The following ABLIM3 variants were observed in gnomAD, a reference collection of about 807,000 sequenced individuals.
ABLIM3 encodes actin-binding LIM protein 3.
ABLIM3 carries 61 observed loss-of-function variants against 109.5 expected under a neutral mutation model. The observed-to-expected ratio is 0.56, with a 90% CI of 0.45 to 0.69. The LOEUF is 0.69. Among genes scored for constraint, ABLIM3 ranks in the 30% least tolerant of loss-of-function variants. The pLI, the probability that ABLIM3 is intolerant of heterozygous loss-of-function variation, is 0.00. For missense variants in ABLIM3, 796 were observed against 889.5 expected, an observed-to-expected ratio of 0.89 and a Z score of 1.34; for synonymous variants, 300 against 324.8, an observed-to-expected ratio of 0.92 and a Z score of 0.82.
intron 17 of ABLIM3, 81 bp downstream of exon 17, chr5:149,246,627 C>T: frequency 6.9e-7 from 1 of 1,440,574 alleles, no homozygotes; most frequent in East Asian, 2.4e-5. Context: ...CAACAAAAAA[C>T]AGATTCAAGC....
chr5:149,163,940 CACA>C (rs1561543150), intron 2 of ABLIM3: 1 of 152,196 alleles, frequency 6.6e-6, no homozygotes, highest in East Asian at 1.9e-4. Context: ...TTGTTGGTCA[CACA>C]ACAAGTCAAC....
chr5:149,151,300 C>G (rs1753410130), intron 2 of ABLIM3, among the ~76,000 whole-genome samples: 1 of 152,212 alleles, frequency 6.6e-6, no homozygotes, highest in African/African-American at 2.4e-5. Flanking sequence ...TAGGACCCAT[C>G]TAATGATTTC....
Position 149,259,704 on chromosome 5 carries a change from A to G in ABLIM3, c.*1300A>G. The G allele has an allele frequency of 9.4e-7, 1 of 1,069,318 alleles. No homozygotes were observed. The highest frequency in any genetic ancestry group is 1.4e-5 in the South Asian group (1 of 70,518). 66.2% of individuals were successfully genotyped at this position (1,069,318 alleles called of 1,614,324 possible). Reference sequence around the variant, plus strand: ...CTCTCTTCTCCTCTCCAAACCTTTCACCTTGAATGGGTAATGTTTGGTGGG... The same window carrying G: ...CTCTCTTCTCCTCTCCAAACCTTTCGCCTTGAATGGGTAATGTTTGGTGGG... On this transcript the variant is annotated 3_prime_UTR_variant, in exon 24 of 24. Transcript: ENST00000309868.
At chr5:149,177,855 A>C (rs1204675817) in intron 2 of ABLIM3, among the ~76,000 whole-genome samples, 1 of 152,166 alleles carries the variant, frequency 6.6e-6, no homozygotes, top group African/African-American at 2.4e-5. Flanking sequence ...GCAATGCACT[A>C]AGCACTTTTC....
rs116539753 is a variant in ABLIM3, at chr5:149,224,158, G to A, written c.758-6491G>A. Among the ~76,000 whole-genome samples, 478 of 152,102 alleles carry A rather than the reference G, an allele frequency of 3.1e-3. 2 individuals carry two copies. Among genetic ancestry groups the A allele is most frequent in the African/African-American group, 0.011 (465 of 41,480 alleles). On this transcript the variant is annotated intron_variant, in intron 8 of 23. Transcript: ENST00000309868. ...AGTGTGTGACACAAGGCCTGGTATC[G>A]ACACTCTATAAATATTAGTTATAAT...
chr5:149,142,522 G>T (rs974190158), intron 2 of ABLIM3, among the ~76,000 whole-genome samples: 2 of 152,180 alleles, frequency 1.3e-5, no homozygotes, highest in African/African-American at 4.8e-5. Context: ...AGGCGGGAGG[G>T]TAGGTGGGTG....
At chr5:149,196,469 T>C (rs1561575475) in intron 3 of ABLIM3, among the ~76,000 whole-genome samples, 1 of 152,244 alleles carries the variant, frequency 6.6e-6, no homozygotes, top group Non-Finnish European at 1.5e-5. Context: ...AAAACTGATG[T>C]AGAAAGCCCG....
chr5:149,144,324 T>G (rs1035957541), intron 2 of ABLIM3, among the ~76,000 whole-genome samples: 13 of 152,288 alleles, frequency 8.5e-5, no homozygotes, highest in Middle Eastern at 3.4e-3. Flanking sequence ...TCCATCATCA[T>G]GGAGGTACCT....
intron 14 of ABLIM3, among the ~76,000 whole-genome samples, 188 bp from the exon 15 acceptor site, chr5:149,242,303 G>A (rs950579056): frequency 6.6e-6 from 1 of 152,182 alleles, no homozygotes; most frequent in African/African-American, 2.4e-5. Flanking sequence ...GGAACCTGTT[G>A]GGACGAGGTT....
intron 5 of ABLIM3, among the ~76,000 whole-genome samples, chr5:149,205,395 C>A (rs1460002451): frequency 1.3e-5 from 2 of 152,148 alleles, no homozygotes; most frequent in Non-Finnish European, 2.9e-5. Flanking sequence ...TGACCAAATA[C>A]TCTGTGAACT....
Position 149,250,486 on chromosome 5 carries a change from G to C in ABLIM3, c.1769G>C (p.Arg590Pro). 8 of 1,614,178 alleles carry C rather than the reference G, an allele frequency of 5.0e-6. No individual in the cohort carries two copies. The highest frequency in any genetic ancestry group is 6.8e-6 in the Non-Finnish European group (8 of 1,180,026). Reference sequence around the variant, plus strand: ...AAATCTGCCTCCCTGCCTGCCTACCGAAGAAATGGGCTGCACAGGGTAAGA... The same window carrying C: ...AAATCTGCCTCCCTGCCTGCCTACCCAAGAAATGGGCTGCACAGGGTAAGA... Reference protein sequence around the residue: ...ISKSASLPAYRRNGLHRTPSA... With the variant: ...ISKSASLPAYPRNGLHRTPSA... The change falls in exon 20 of 24, where the codon CGA (arginine) becomes CCA (proline). Residue 590 changes from arginine to proline, a missense_variant. Physicochemically the swap from Arg to Pro is moderately radical, Grantham distance 103. Transcript: ENST00000309868.
At chr5:149,238,055 A>G (rs567761497) in intron 11 of ABLIM3, among the ~76,000 whole-genome samples, 1 of 152,290 alleles carries the variant, frequency 6.6e-6, no homozygotes, top group South Asian at 2.1e-4. Flanking sequence ...TGATTATAAC[A>G]TGTCTAATCA....
At chr5:149,211,182 T>A (rs748266369) in intron 7 of ABLIM3, among the ~76,000 whole-genome samples, 506 of 147,442 alleles carry the variant, frequency 3.4e-3, no homozygotes, top group African/African-American at 0.011. Flanking sequence ...TTATTTATTT[T>A]GTTTGTTTGT....
rs199795502 is a variant in ABLIM3, at chr5:149,142,070, G to C, written c.-26G>C. 52 of 1,588,606 alleles carry C rather than the reference G, an allele frequency of 3.3e-5. No individual in the cohort carries two copies. Among genetic ancestry groups the C allele is most frequent in the Non-Finnish European group, 4.3e-5 (50 of 1,164,348 alleles). Reference sequence around the variant, plus strand: ...AGCAGCCGGGGCCTCCGTATTGAATGAAAGACCCAGTGCAAAGACATCACC... The same window carrying C: ...AGCAGCCGGGGCCTCCGTATTGAATCAAAGACCCAGTGCAAAGACATCACC... On this transcript the variant is annotated 5_prime_UTR_variant, in exon 2 of 24. The change abolishes an upstream ATG in the 5' untranslated region. Coordinates refer to ENST00000309868, the MANE Select transcript of ABLIM3 (RefSeq NM_014945.5).
At chr5:149,227,341 G>A (rs1218533741) in intron 8 of ABLIM3, among the ~76,000 whole-genome samples, 1 of 152,158 alleles carries the variant, frequency 6.6e-6, no homozygotes, top group Admixed American at 6.5e-5. Flanking sequence ...AACCTTCATA[G>A]TAGGTTTTAA....
chr5:149,190,578 G>A (rs1262700341), intron 3 of ABLIM3, among the ~76,000 whole-genome samples: 2 of 152,130 alleles, frequency 1.3e-5, no homozygotes, highest in Non-Finnish European at 2.9e-5. Flanking sequence ...TACTTGGGAG[G>A]CTGAGGTGAG....
chr5:149,151,932 T>C (rs901779907), intron 2 of ABLIM3, among the ~76,000 whole-genome samples: 2 of 152,246 alleles, frequency 1.3e-5, no homozygotes, highest in African/African-American at 4.8e-5. Context: ...ATAGAACCAA[T>C]GTGGCCTTTA....
At chr5:149,237,143 T>C (rs1276616859) in intron 10 of ABLIM3, among the ~76,000 whole-genome samples, 1 of 152,182 alleles carries the variant, frequency 6.6e-6, no homozygotes, top group African/African-American at 2.4e-5. Context: ...TTTCCTCAGC[T>C]AGAAAATAGA....
intron 2 of ABLIM3, among the ~76,000 whole-genome samples, chr5:149,181,501 C>T (rs894472347): frequency 5.9e-5 from 9 of 152,168 alleles, no homozygotes; most frequent in Non-Finnish European, 1.0e-4. Flanking sequence ...GAATAATGTG[C>T]ATAAACTGCA....
Sources: gnomAD v4.1 joint callset for allele counts (sites outside exome capture counted in the v4.1 genomes callset) on GRCh38, gnomAD v4.1.1 for gene constraint, MANE v1.5 for transcripts, NCBI Gene and HGNC (gene_info 2026-07-23, HGNC 2026-07-21) for gene names.